SLC16A9: variants seen among roughly 807,000 people sequenced by gnomAD.
SLC16A9 encodes monocarboxylate transporter 9.
Under a neutral mutation model 44.3 loss-of-function variants are expected in SLC16A9, and 26 were observed. That is an observed-to-expected ratio of 0.59 (90% CI 0.43 to 0.81). SLC16A9 has a LOEUF of 0.81. Ranked by LOEUF, SLC16A9 falls within the 40% of genes least tolerant of loss-of-function variation. The pLI, the probability that SLC16A9 is intolerant of heterozygous loss-of-function variation, is 0.00. For missense variants in SLC16A9, 559 were observed against 595.8 expected (o/e 0.94, Z 0.64); for synonymous variants, 230 against 225.1 (o/e 1.02, Z -0.19).
chr10:59,655,695 T>C (rs1009437977), intron 4 of SLC16A9, among the ~76,000 whole-genome samples: 1 of 152,228 alleles, frequency 6.6e-6, no homozygotes, highest in African/African-American at 2.4e-5. Flanking sequence ...TCTCATCTGG[T>C]TCTGATTTCA....
At chr10:59,663,254 G>A (rs373937893) in intron 4 of SLC16A9, among the ~76,000 whole-genome samples, 10 of 152,008 alleles carry the variant, frequency 6.6e-5, no homozygotes, top group South Asian at 4.2e-4. Flanking sequence ...CCAGCTACTC[G>A]GGAGGCTGAG....
intron 2 of SLC16A9, among the ~76,000 whole-genome samples, chr10:59,676,542 C>T (rs377734754): frequency 6.6e-6 from 1 of 152,092 alleles, no homozygotes; most frequent in African/African-American, 2.4e-5. Flanking sequence ...TGATTCCACA[C>T]CTTTGAACCT....
intron 1 of SLC16A9, among the ~76,000 whole-genome samples, chr10:59,706,773 G>C (rs1300421026): frequency 6.6e-6 from 1 of 151,996 alleles, no homozygotes; most frequent in Non-Finnish European, 1.5e-5. Flanking sequence ...AGAAGTTCGA[G>C]ACCAGCCTGG....
chr10:59,705,504 C>T (rs1241868162), intron 1 of SLC16A9, among the ~76,000 whole-genome samples: 1 of 152,068 alleles, frequency 6.6e-6, no homozygotes, highest in Admixed American at 6.6e-5. Context: ...CTTGACATAA[C>T]ATGTTTAATA....
intron 5 of SLC16A9, among the ~76,000 whole-genome samples, 181 bp downstream of exon 5, chr10:59,653,494 A>G (rs1839264887): frequency 6.6e-6 from 1 of 151,154 alleles, no homozygotes; most frequent in Admixed American, 6.6e-5. Context: ...CAAATCCCAG[A>G]GCATGCATAT....
intron 1 of SLC16A9, among the ~76,000 whole-genome samples, chr10:59,686,608 T>C (rs1392009799): frequency 1.3e-5 from 2 of 152,194 alleles, no homozygotes; most frequent in African/African-American, 4.8e-5. Flanking sequence ...TAAAAGCTAT[T>C]GATGTCTGTA....
At chr10:59,696,721 G>A (rs1418561233) in intron 1 of SLC16A9, among the ~76,000 whole-genome samples, 2 of 151,098 alleles carry the variant, frequency 1.3e-5, no homozygotes, top group Admixed American at 6.6e-5. Flanking sequence ...CTGCCGCCCC[G>A]TCTGGGATGT....
chr10:59,700,683 A>C (rs575315736), intron 1 of SLC16A9, among the ~76,000 whole-genome samples: 51 of 152,266 alleles, frequency 3.3e-4, no homozygotes, highest in Admixed American at 1.9e-3. Context: ...TTTTCTTAGA[A>C]AAGCATGAAA....
intron 1 of SLC16A9, among the ~76,000 whole-genome samples, chr10:59,696,984 G>A (rs1278459513): frequency 2.1e-5 from 3 of 140,682 alleles, no homozygotes; most frequent in Non-Finnish European, 1.6e-5. Flanking sequence ...GGGAGGTGGG[G>A]GGGTCAGCCC....
intron 2 of SLC16A9, 112 bp from the exon 3 acceptor site, chr10:59,673,025 G>A: frequency 1.0e-6 from 1 of 979,796 alleles, no homozygotes; most frequent in Non-Finnish European, 1.5e-6. Context: ...GAGTATTTAT[G>A]ATATGCAGAC....
At chr10:59,697,294 G>A (rs1484074869) in intron 1 of SLC16A9, among the ~76,000 whole-genome samples, 7 of 151,248 alleles carry the variant, frequency 4.6e-5, no homozygotes, top group Non-Finnish European at 7.4e-5. Context: ...ATAGAAAGGG[G>A]GGAAAGGTGG....
intron 1 of SLC16A9, among the ~76,000 whole-genome samples, chr10:59,687,425 A>G (rs1053568271): frequency 6.6e-6 from 1 of 152,200 alleles, no homozygotes; most frequent in Non-Finnish European, 1.5e-5. Flanking sequence ...ATTACATTTT[A>G]TCAATGTATT....
chr10:59,703,151 G>A (rs1032079650), intron 1 of SLC16A9, among the ~76,000 whole-genome samples: 1 of 152,174 alleles, frequency 6.6e-6, no homozygotes, highest in Non-Finnish European at 1.5e-5. Flanking sequence ...ACAGGTCCTT[G>A]CTGTGTTGCC....
chr10:59,690,199 AAAG>A (rs1242274913), intron 1 of SLC16A9, among the ~76,000 whole-genome samples: 1 of 152,130 alleles, frequency 6.6e-6, no homozygotes, highest in African/African-American at 2.4e-5. Context: ...AAAAGAAAAA[AAAG>A]AAGAAAGTGG....
intron 3 of SLC16A9, 46 bp downstream of exon 3, chr10:59,672,724 T>C (rs756863457): frequency 5.8e-6 from 9 of 1,557,970 alleles, no homozygotes; most frequent in Non-Finnish European, 7.0e-6. Flanking sequence ...TGAAATGATG[T>C]GTATCTCTTG....
intron 1 of SLC16A9, among the ~76,000 whole-genome samples, chr10:59,701,290 C>T (rs1840517710): frequency 6.6e-6 from 1 of 152,222 alleles, no homozygotes; most frequent in Admixed American, 6.5e-5. Flanking sequence ...ACCATCACAA[C>T]TGCCTACAGG....
At chr10:59,685,013 C>G (rs1411429340) in intron 1 of SLC16A9, among the ~76,000 whole-genome samples, 3 of 152,162 alleles carry the variant, frequency 2.0e-5, no homozygotes, top group Non-Finnish European at 4.4e-5. Context: ...CTGAAGGAGG[C>G]CTGGAATGGA....
chr10:59,674,893 T>C (rs1839826388), intron 2 of SLC16A9, among the ~76,000 whole-genome samples: 1 of 152,184 alleles, frequency 6.6e-6, no homozygotes, highest in East Asian at 1.9e-4. Context: ...TTTCATAACA[T>C]GTACAACCAA....
intron 1 of SLC16A9, among the ~76,000 whole-genome samples, chr10:59,706,399 A>G (rs998258623): frequency 2.6e-5 from 4 of 152,222 alleles, no homozygotes. Flanking sequence ...AATTGAAGTC[A>G]TTAAGTGATA....
Sources: allele counts gnomAD v4.1 joint callset (sites outside exome capture counted in the v4.1 genomes callset), GRCh38; gene constraint gnomAD v4.1.1; transcripts MANE v1.5; gene names NCBI Gene and HGNC (gene_info 2026-07-23, HGNC 2026-07-21).